DGKH: variants seen among roughly 807,000 people sequenced by gnomAD.
The protein encoded by DGKH is DAG kinase eta.
A neutral mutation model predicts 159.3 loss-of-function variants in DGKH; 90 were observed. The ratio of observed to expected loss-of-function variants is 0.57; its 90% CI spans 0.48 to 0.67. The LOEUF is 0.67. Ranked by LOEUF, DGKH falls within the 30% of genes least tolerant of loss-of-function variation. The probability of loss-of-function intolerance (pLI) is 0.00; values close to 1 mark genes in which losing one functional copy is unlikely to be tolerated. For missense variants in DGKH, 1,181 were observed against 1,506.1 expected, an observed-to-expected ratio of 0.78 and a Z score of 3.57; for synonymous variants, 536 against 553.8, an observed-to-expected ratio of 0.97 and a Z score of 0.45.
chr13:42,141,996 C>G (rs2137890500), intron 3 of DGKH, among the ~76,000 whole-genome samples: 1 of 151,368 alleles, frequency 6.6e-6, no homozygotes, highest in East Asian at 1.9e-4. Flanking sequence ...ATGGTATTGC[C>G]TAGGTTTTCT....
At position 42,236,959 on chromosome 13, in the gene DGKH, G is replaced by T. The variant is rs1490352209; in HGVS notation, c.*7771G>T. On this transcript the variant is annotated 3_prime_UTR_variant, in exon 30 of 30. Coordinates refer to ENST00000337343, the MANE Select transcript of DGKH (RefSeq NM_178009.5). ...AAATATCACATATCTAGCAGTTCTAGGTTCCAGGGTGGATATTTTTAACAT... is the reference window on the plus strand; with the variant it reads ...AAATATCACATATCTAGCAGTTCTATGTTCCAGGGTGGATATTTTTAACAT... 1 of 152,178 alleles carries T rather than the reference G, an allele frequency of 6.6e-6. No individual in the cohort carries two copies. Among genetic ancestry groups the T allele is most frequent in the Non-Finnish European group, 1.5e-5 (1 of 68,020 alleles). The allele number at this position is 152,178 out of a possible 1,614,324, so 9.4% of individuals were successfully genotyped here. A position where few individuals can be genotyped will look rare whatever the true frequency, so the allele number is the denominator to read the frequency against.
chr13:42,242,953 T>G (rs1958541571), downstream of DGKH: 2 of 152,192 alleles, frequency 1.3e-5, no homozygotes, highest in South Asian at 4.1e-4. Flanking sequence ...AACTTTTAAT[T>G]TTGAGACAAT....
rs548477931 is a variant in DGKH at position 42,139,667 on chromosome 13, C to T, written c.384+10035C>T. Among the ~76,000 whole-genome samples, 4 of 152,264 alleles carry T rather than the reference C, an allele frequency of 2.6e-5. No individual in the cohort carries two copies. The East Asian group carries it at 7.7e-4, about 29-fold the overall frequency. ...ATCTATCTGTCCACTTCCAGGACTG[C>T]CCTTAGAATTCATTCATTCATTTAT... On this transcript the variant is annotated intron_variant, in intron 3 of 29. Coordinates refer to ENST00000337343, the MANE Select transcript of DGKH (RefSeq NM_178009.5).
At chr13:42,144,692 A>G (rs1955674927) in intron 3 of DGKH, among the ~76,000 whole-genome samples, 2 of 152,074 alleles carry the variant, frequency 1.3e-5, no homozygotes, top group Admixed American at 1.3e-4. Context: ...AAAAAAAAAA[A>G]AAAGAAAGAA....
intron 1 of DGKH, among the ~76,000 whole-genome samples, chr13:42,065,149 G>A (rs1593974493): frequency 6.6e-6 from 1 of 152,210 alleles, no homozygotes; most frequent in Non-Finnish European, 1.5e-5. Context: ...AAGGGTGTGA[G>A]TGAATGAGAA....
rs753823937 is a variant in DGKH, at chr13:42,209,483, T to G, written c.2850+18T>G. The G allele has an allele frequency of 6.4e-7, 1 of 1,555,164 alleles. No homozygotes were observed. Among genetic ancestry groups the G allele is most frequent in the Non-Finnish European group, 8.7e-7 (1 of 1,154,292 alleles). Reference sequence around the variant, plus strand: ...GGGACAGAGTATGTAACAAAAACATTCTTCTAGAATATTGTCAGGTTTTTA... The same window carrying G: ...GGGACAGAGTATGTAACAAAAACATGCTTCTAGAATATTGTCAGGTTTTTA... On this transcript the variant is annotated intron_variant, in intron 23 of 29. Coordinates refer to ENST00000337343, the MANE Select transcript of DGKH (RefSeq NM_178009.5).
rs561609529 is a variant in DGKH at position 42,159,373 on chromosome 13, G to A, written c.729+1G>A. On this transcript the variant is annotated splice_donor_variant, in intron 6 of 29. Transcript: ENST00000337343. LOFTEE classifies it high-confidence loss of function. ...GGACATTATAGAAGATGAAGATGGC[G>A]TAAGCTGCTGCTCTGTCTCTGCTCT... The A allele has an allele frequency of 3.8e-6, 6 of 1,584,596 alleles. No homozygotes were observed. The highest frequency in any genetic ancestry group is 5.2e-6 in the Non-Finnish European group (6 of 1,156,302).
chr13:42,043,607 C>T (rs1880641953), intron 1 of DGKH: 1 of 152,122 alleles, frequency 6.6e-6, no homozygotes, highest in South Asian at 2.1e-4. Context: ...GCTAGGATTA[C>T]AGGTCAGAGT....
At chr13:42,135,804 A>G (rs1955392244) in intron 3 of DGKH, among the ~76,000 whole-genome samples, 2 of 152,112 alleles carry the variant, frequency 1.3e-5, no homozygotes, top group Non-Finnish European at 2.9e-5. Context: ...CCTGATGTTT[A>G]ATCTAAGGCT....
chr13:42,092,389 T>C (rs1954435999), intron 1 of DGKH, among the ~76,000 whole-genome samples: 1 of 145,276 alleles, frequency 6.9e-6, no homozygotes, highest in African/African-American at 2.7e-5. Flanking sequence ...ATATACAAAA[T>C]AAAATATTAT....
chr13:42,214,410 A>AT, intron 24 of DGKH, 97 bp from the exon 25 acceptor site: 1 of 1,158,926 alleles, frequency 8.6e-7, no homozygotes. Flanking sequence ...ATCTTCATAT[A>AT]TTTTTTACTT....
At chr13:42,138,644 T>C (rs1490348381) in intron 3 of DGKH, among the ~76,000 whole-genome samples, 1 of 152,152 alleles carries the variant, frequency 6.6e-6, no homozygotes, top group Non-Finnish European at 1.5e-5. Context: ...TTTATATATA[T>C]TATACCCATA....
At chr13:42,087,084 C>CACACACACACA (rs398038514) in intron 1 of DGKH, among the ~76,000 whole-genome samples, 4 of 145,418 alleles carry the variant, frequency 2.8e-5, no homozygotes, top group Non-Finnish European at 3.0e-5. Context: ...CACACACACA[C>CACACACACACA]CTCAGAACAG....
intron 1 of DGKH, chr13:42,070,842 A>C: frequency 7.6e-7 from 1 of 1,321,838 alleles, no homozygotes; most frequent in Non-Finnish European, 1.1e-6. Flanking sequence ...CACTGGGACC[A>C]GGAATTTCAA....
chr13:42,183,700 T>C (rs536475771), intron 13 of DGKH, among the ~76,000 whole-genome samples: 20 of 152,342 alleles, frequency 1.3e-4, no homozygotes, highest in African/African-American at 4.8e-4. Flanking sequence ...TCTTTGACCT[T>C]AGAACTTCAT....
intron 1 of DGKH, among the ~76,000 whole-genome samples, chr13:42,040,719 G>T (rs1416013733): frequency 6.7e-6 from 1 of 150,126 alleles, no homozygotes; most frequent in African/African-American, 2.4e-5. Flanking sequence ...AGCCGGAGAC[G>T]GCGGGTGGGC....
chr13:42,208,614 C>T (rs948680962), intron 21 of DGKH, among the ~76,000 whole-genome samples: 5 of 151,782 alleles, frequency 3.3e-5, no homozygotes, highest in African/African-American at 1.2e-4. Context: ...CCAAAACTTA[C>T]ATGTATCATC....
chr13:42,188,919 G>A (rs1481833267), intron 14 of DGKH, 117 bp from the exon 15 acceptor site: 13 of 1,164,258 alleles, frequency 1.1e-5, no homozygotes, highest in Non-Finnish European at 1.5e-5. Context: ...GAGAATTTTG[G>A]TGTTTTTCTC....
intron 1 of DGKH, chr13:42,069,465 A>G: frequency 6.5e-7 from 1 of 1,533,200 alleles, no homozygotes; most frequent in African/African-American, 1.4e-5. Context: ...CAACATCAGT[A>G]GACTCATGTT....
Sources: gnomAD v4.1 joint callset for allele counts (sites outside exome capture counted in the v4.1 genomes callset) on GRCh38, gnomAD v4.1.1 for gene constraint, MANE v1.5 for transcripts, NCBI Gene and HGNC (gene_info 2026-07-23, HGNC 2026-07-21) for gene names.